Variants in EXD2 observed in about 807,000 individuals in gnomAD.
EXD2 encodes the protein exonuclease 3'-5' domain containing 2.
In EXD2, 40 loss-of-function variants were observed where a neutral mutation model predicts 62.5. That is an observed-to-expected ratio of 0.64 (90% confidence interval 0.50 to 0.83). The LOEUF is 0.83. Ranked by LOEUF, EXD2 falls within the 40% of genes least tolerant of loss-of-function variation. The pLI is 0.00. For synonymous variants in EXD2, 239 were observed against 291.9 expected (o/e 0.82, Z 1.85); for missense variants, 671 against 761.8 (o/e 0.88, Z 1.40).
In EXD2 at chr14:69,242,149, A is replaced by C. The variant is rs1177282247; in HGVS notation, c.*1049A>C. 2.5e-6 allele frequency: 1 copy of C among 398,102 alleles called. No homozygotes were observed. The highest frequency in any genetic ancestry group is 2.1e-5 in the African/African-American group (1 of 48,618). The allele number at this position is 398,102 out of a possible 1,614,324, so 24.7% of individuals were successfully genotyped here. A position where few individuals can be genotyped will look rare whatever the true frequency, so the allele number is the denominator to read the frequency against. On this transcript the variant is annotated 3_prime_UTR_variant, in exon 10 of 10. Transcript: ENST00000685843. Reference sequence around the variant, plus strand: ...GAGGAGCGTTGTTTCATCTTTCAAAATGTTAGGCCATTACTTTGAGTATAA... The same window carrying C: ...GAGGAGCGTTGTTTCATCTTTCAAACTGTTAGGCCATTACTTTGAGTATAA...
At position 69,230,484 on chromosome 14, in the gene EXD2, CTG is replaced by C. The variant is rs1455815869; in HGVS notation, c.605_606del (p.Cys202Ter). On this transcript the variant is annotated frameshift_variant, in exon 5 of 10. Transcript: ENST00000685843. LOFTEE classifies it high-confidence loss of function. The part of the protein sequence containing the change: ...LAMRQRNNLL[C>X]NGLSLKSLAE... ...TTGTTTCTTTTAGAAACAATTTGCT[CTG>C]TAATGGGCTTAGCCTGAAGTCCCTC... The C allele has an allele frequency of 1.9e-6, 3 of 1,599,792 alleles. No homozygotes were observed. The highest frequency in any genetic ancestry group is 1.7e-6 in the Non-Finnish European group (2 of 1,173,082).
chr14:69,209,332 A>G (rs1431827814), intron 2 of EXD2, 92 bp from the exon 3 acceptor site: 1 of 595,304 alleles, frequency 1.7e-6, no homozygotes, highest in African/African-American at 1.9e-5. Context: ...GTGGGCACAG[A>G]GATTATAAAT....
At chr14:69,228,023 T>C (rs2140301337) in intron 3 of EXD2, 1 of 152,218 alleles carries the variant, frequency 6.6e-6, no homozygotes, top group East Asian at 1.9e-4. Flanking sequence ...GTACCACTTA[T>C]TTACAGTACT....
intron 3 of EXD2, among the ~76,000 whole-genome samples, chr14:69,228,335 G>T (rs2140302675): frequency 6.6e-6 from 1 of 152,130 alleles, no homozygotes; most frequent in East Asian, 1.9e-4. Flanking sequence ...GGGATTACAG[G>T]CACATGCCAC....
At chr14:69,232,289 C>A (rs1367648672) in intron 5 of EXD2, among the ~76,000 whole-genome samples, 1 of 152,090 alleles carries the variant, frequency 6.6e-6, no homozygotes, top group African/African-American at 2.4e-5. Context: ...GAGATTTCAC[C>A]TTATCCTTCT....
chr14:69,216,368 C>G (rs1320736943), intron 3 of EXD2, among the ~76,000 whole-genome samples: 4 of 152,168 alleles, frequency 2.6e-5, no homozygotes, highest in Admixed American at 2.6e-4. Flanking sequence ...CTCTGGATAT[C>G]TGGGGCAGCA....
intron 3 of EXD2, chr14:69,224,169 G>GGACTAC (rs2140289067): frequency 6.6e-6 from 1 of 152,426 alleles, no homozygotes; most frequent in South Asian, 2.1e-4. Context: ...GGAGTAGCTG[G>GGACTAC]GACTACAGGT....
chr14:69,223,324 C>T (rs1194039208), intron 3 of EXD2, among the ~76,000 whole-genome samples: 3 of 152,170 alleles, frequency 2.0e-5, no homozygotes, highest in Non-Finnish European at 2.9e-5. Flanking sequence ...TAACATGTTC[C>T]TAACAGAATT....
At chr14:69,226,181 A>G (rs1019568149) in intron 3 of EXD2, among the ~76,000 whole-genome samples, 13 of 152,236 alleles carry the variant, frequency 8.5e-5, no homozygotes, top group African/African-American at 3.1e-4. Flanking sequence ...GAGAAAGCTG[A>G]TATCACAGAG....
rs762241953 is a variant in EXD2 at position 69,237,778 on chromosome 14, G to A, written c.1496G>A (p.Arg499His). 29 of 1,613,456 alleles carry A rather than the reference G, an allele frequency of 1.8e-5. No individual in the cohort carries two copies. The highest frequency in any genetic ancestry group is 4.5e-5 in the East Asian group (2 of 44,888). Residue 499 changes from arginine (R) to histidine (H), a missense_variant, in exon 9 of 10, where the codon CGC becomes CAC. Arg to His is a conservative substitution (Grantham distance 29, BLOSUM62 0). Coordinates refer to ENST00000685843, the MANE Select transcript of EXD2 (RefSeq NM_001193360.2). ...TTGCGCCTGCTGGAAGATCCTGAGC[G>A]CCGGCAGGTGCGTTCTGGGGCCAGG... ...EGLRLLEDPE[R>H]RQVRSGARAL...
rs549680411 is a variant in EXD2, at chr14:69,237,450, G to A, written c.1293-125G>A. 65 of 788,194 alleles carry A rather than the reference G, an allele frequency of 8.2e-5. No individual in the cohort carries two copies. The East Asian group carries it at 1.1e-3, about 14-fold the overall frequency. The allele number at this position is 788,194 out of a possible 1,614,324, so 48.8% of individuals were successfully genotyped here. A position where few individuals can be genotyped will look rare whatever the true frequency, so the allele number is the denominator to read the frequency against. On this transcript the variant is annotated intron_variant, in intron 8 of 9. Transcript: ENST00000685843. ...TGCCTTTCTGTGATCTGTGTTGGGC[G>A]GTGGTGCCCAAGGCTTCTCAGTCAT...
At chr14:69,234,418 AT>A (rs1470061287) in intron 5 of EXD2, among the ~76,000 whole-genome samples, 2 of 152,126 alleles carry the variant, frequency 1.3e-5, no homozygotes, top group African/African-American at 4.8e-5. Context: ...AACTTCACTG[AT>A]TTATATAGGT....
intron 2 of EXD2, chr14:69,208,876 A>G (rs886371279): frequency 3.9e-5 from 6 of 152,354 alleles, no homozygotes; most frequent in African/African-American, 1.4e-4. Flanking sequence ...GAAAGTGTTG[A>G]GTCAAACCTG....
In EXD2 at chr14:69,237,859, C is replaced by T. The variant is rs146185094; in HGVS notation, c.1577C>T (p.Ala526Val). The change falls in exon 9 of 10, where the codon GCA (alanine) becomes GTA (valine). Residue 526 changes from alanine to valine, a missense_variant. Coordinates refer to ENST00000685843, the MANE Select transcript of EXD2 (RefSeq NM_001193360.2). ...PTQRKEELLQALREFYNTDVV... is the reference protein window; with the variant it reads ...PTQRKEELLQVLREFYNTDVV... ...CAGCGAAAGGAGGAGCTGCTGCAAG[C>T]ACTCAGAGAGTTTTATAACACAGAC... is the stretch of plus-strand genomic sequence containing the variant. 2 of 1,611,836 alleles carry T rather than the reference C, an allele frequency of 1.2e-6. No individual in the cohort carries two copies. Among genetic ancestry groups the T allele is most frequent in the Non-Finnish European group, 1.7e-6 (2 of 1,179,248 alleles).
At chr14:69,220,268 T>TG (rs1159613687) in intron 3 of EXD2, among the ~76,000 whole-genome samples, 3 of 103,688 alleles carry the variant, frequency 2.9e-5, no homozygotes, top group Non-Finnish European at 5.8e-5. Flanking sequence ...TTTTTTTTTT[T>TG]TTTTTTTTTT....
At chr14:69,204,406 A>G (rs1403610026) in intron 2 of EXD2, among the ~76,000 whole-genome samples, 1 of 152,082 alleles carries the variant, frequency 6.6e-6, no homozygotes, top group African/African-American at 2.4e-5. Flanking sequence ...CCGCATCTCT[A>G]CAAGAAATCA....
Position 69,229,087 on chromosome 14 carries a change from A to C in EXD2, c.590+15A>C, listed in dbSNP as rs764439556. 3.7e-6 allele frequency: 6 copies of C among 1,611,840 alleles called. No individual in the cohort carries two copies. The highest frequency in any genetic ancestry group is 5.1e-6 in the Non-Finnish European group (6 of 1,178,072). On this transcript the variant is annotated intron_variant, in intron 4 of 9. Transcript: ENST00000685843. ...ATGCGGCAGAGGTGTGGTTTGTATG[A>C]ATGCTGGGATTCCTATAGCTGCGGG...
chr14:69,203,602 T>C (rs2042483797), intron 1 of EXD2, among the ~76,000 whole-genome samples: 1 of 152,178 alleles, frequency 6.6e-6, no homozygotes, highest in African/African-American at 2.4e-5. Context: ...GAAACTTTTA[T>C]AGAACGCAAG....
chr14:69,243,828 C>G lies in EXD2; in HGVS notation c.*2728C>G, dbSNP rs973814063. The stretch of plus-strand genomic sequence containing the variant: ...AGGAGTAGCAGTGAGAGGACAGTGT[C>G]ACAGCAAGGGCCTCTCTGCATGCTC... On this transcript the variant is annotated 3_prime_UTR_variant, in exon 10 of 10. Transcript: ENST00000685843. 1 of 152,172 alleles carries G rather than the reference C, an allele frequency of 6.6e-6. No individual in the cohort carries two copies. The highest frequency in any genetic ancestry group is 2.4e-5 in the African/African-American group (1 of 41,424). 9.4% of individuals were successfully genotyped at this position (152,172 alleles called of 1,614,324 possible).
Sources: gnomAD v4.1 joint callset for allele counts (sites outside exome capture counted in the v4.1 genomes callset) on GRCh38, gnomAD v4.1.1 for gene constraint, MANE v1.5 for transcripts, NCBI Gene and HGNC (gene_info 2026-07-23, HGNC 2026-07-21) for gene names.